Variants in DLGAP2 observed in about 807,000 individuals in gnomAD.
DLGAP2 encodes disks large-associated protein 2.
Under a neutral mutation model 100.3 loss-of-function variants are expected in DLGAP2, and 26 were observed. The ratio of observed to expected loss-of-function variants is 0.26; its 90% CI spans 0.19 to 0.36. DLGAP2 has a LOEUF of 0.36. DLGAP2 is among the 10% of genes least tolerant of loss of function. DLGAP2 has a pLI of 1.00. For synonymous variants in DLGAP2, 886 were observed against 630.1 expected (o/e 1.41, Z -6.08); for missense variants, 1,858 against 1,453.2 (o/e 1.28, Z -4.53).
At chr8:1,605,541 T>C (rs891791549) in intron 6 of DLGAP2, among the ~76,000 whole-genome samples, 3 of 152,214 alleles carry the variant, frequency 2.0e-5, no homozygotes, top group African/African-American at 7.2e-5. Context: ...ACGTGCTACA[T>C]TCTTGTGGGC....
chr8:1,409,574 C>T (rs1796672046), intron 3 of DLGAP2, among the ~76,000 whole-genome samples: 1 of 151,402 alleles, frequency 6.6e-6, no homozygotes, highest in African/African-American at 2.4e-5. Flanking sequence ...TGAATCTTCT[C>T]CGTCACCTAG....
At chr8:789,094 ACAGT>A (rs1821955328) in intron 1 of DLGAP2, among the ~76,000 whole-genome samples, 1 of 152,366 alleles carries the variant, frequency 6.6e-6, no homozygotes, top group Non-Finnish European at 1.5e-5. Context: ...GACACAAAAC[ACAGT>A]CAGAGGTGTG....
intron 13 of DLGAP2, among the ~76,000 whole-genome samples, chr8:1,696,892 T>TC (rs1449217097): frequency 6.6e-6 from 1 of 152,206 alleles, no homozygotes; most frequent in Non-Finnish European, 1.5e-5. Context: ...AACTCTCCCA[T>TC]CTGCCCCATT....
At chr8:1,578,804 C>G (rs765008934) in intron 6 of DLGAP2, among the ~76,000 whole-genome samples, 1 of 152,194 alleles carries the variant, frequency 6.6e-6, no homozygotes, top group East Asian at 1.9e-4. Flanking sequence ...GAAATCCTGT[C>G]CCACCTGTCT....
chr8:857,350 T>A (rs1470648128), intron 1 of DLGAP2, among the ~76,000 whole-genome samples: 1 of 152,200 alleles, frequency 6.6e-6, no homozygotes, highest in East Asian at 1.9e-4. Context: ...TTCATTAAAA[T>A]GAACAGCTTC....
At chr8:1,039,452 G>T (rs1399741954) in intron 2 of DLGAP2, among the ~76,000 whole-genome samples, 1 of 138,348 alleles carries the variant, frequency 7.2e-6, no homozygotes, top group African/African-American at 2.7e-5. Flanking sequence ...GTGTGTGGTT[G>T]GCTCGGTATG....
intron 1 of DLGAP2, among the ~76,000 whole-genome samples, chr8:868,082 A>G (rs987880903): frequency 1.3e-5 from 2 of 152,192 alleles, no homozygotes; most frequent in Non-Finnish European, 2.9e-5. Flanking sequence ...CAAAATGGTT[A>G]TATACTTTAA....
chr8:1,190,106 C>G (rs1045180721), intron 2 of DLGAP2, among the ~76,000 whole-genome samples: 1 of 152,186 alleles, frequency 6.6e-6, no homozygotes, highest in African/African-American at 2.4e-5. Flanking sequence ...TGGACTCTTA[C>G]TGCTAATAAT....
intron 2 of DLGAP2, among the ~76,000 whole-genome samples, chr8:1,110,476 A>C (rs558360043): frequency 2.1e-5 from 3 of 145,466 alleles, no homozygotes; most frequent in East Asian, 4.3e-4. Context: ...TGGGTCTGTG[A>C]CATGTGCTCG....
intron 12 of DLGAP2, among the ~76,000 whole-genome samples, chr8:1,683,352 G>C (rs995829707): frequency 6.6e-6 from 1 of 151,450 alleles, no homozygotes; most frequent in Admixed American, 6.6e-5. Flanking sequence ...GGGGAACAGA[G>C]GCCCCTTTGT....
intron 2 of DLGAP2, among the ~76,000 whole-genome samples, chr8:1,202,576 G>A (rs929712617): frequency 2.0e-5 from 3 of 152,170 alleles, no homozygotes; most frequent in African/African-American, 7.2e-5. Flanking sequence ...CCAGGAGATG[G>A]GAGGTGTGGA....
At chr8:1,558,275 C>A (rs55887607) in intron 5 of DLGAP2, among the ~76,000 whole-genome samples, 335 of 152,334 alleles carry the variant, frequency 2.2e-3, no homozygotes, top group African/African-American at 7.8e-3. Flanking sequence ...TCGCAGGCGG[C>A]TTAGATGGGG....
chr8:1,697,763 C>T (rs534397032), intron 14 of DLGAP2, among the ~76,000 whole-genome samples: 12 of 152,278 alleles, frequency 7.9e-5, no homozygotes, highest in East Asian at 7.7e-4. Flanking sequence ...ATAGGCAAGG[C>T]GACATTTTAT....
chr8:1,506,262 T>C (rs1563189277), intron 4 of DLGAP2, among the ~76,000 whole-genome samples: 1 of 152,226 alleles, frequency 6.6e-6, no homozygotes, highest in African/African-American at 2.4e-5. Context: ...CAGCTCTACC[T>C]ATACTTGTCA....
intron 3 of DLGAP2, among the ~76,000 whole-genome samples, chr8:1,272,452 TA>T (rs1411273025): frequency 3.3e-5 from 5 of 151,878 alleles, no homozygotes; most frequent in Non-Finnish European, 2.9e-5. Context: ...GTATCTATAT[TA>T]AACATTTTAT....
chr8:1,100,088 G>A (rs1804525166), intron 2 of DLGAP2, among the ~76,000 whole-genome samples: 1 of 152,212 alleles, frequency 6.6e-6, no homozygotes. Flanking sequence ...GCCCTGCCTG[G>A]GACATGAATC....
chr8:1,252,717 A>G (rs1417934582), intron 2 of DLGAP2, among the ~76,000 whole-genome samples: 2 of 152,260 alleles, frequency 1.3e-5, no homozygotes, highest in African/African-American at 2.4e-5. Flanking sequence ...GGCAGTGGCC[A>G]TGGCGGCCAG....
At chr8:1,185,447 T>C (rs1399652561) in intron 2 of DLGAP2, among the ~76,000 whole-genome samples, 1 of 151,970 alleles carries the variant, frequency 6.6e-6, no homozygotes, top group Non-Finnish European at 1.5e-5. Context: ...GATAGAATGG[T>C]TTAAGATGCA....
chr8:1,641,133 C>T (rs1394725990), intron 8 of DLGAP2, among the ~76,000 whole-genome samples: 1 of 152,130 alleles, frequency 6.6e-6, no homozygotes, highest in Admixed American at 6.5e-5. Context: ...AACCAGCTCC[C>T]AGTAAGGGTT....
Sources: gnomAD v4.1 joint callset for allele counts (sites outside exome capture counted in the v4.1 genomes callset) on GRCh38, gnomAD v4.1.1 for gene constraint, MANE v1.5 for transcripts, NCBI Gene and HGNC (gene_info 2026-07-23, HGNC 2026-07-21) for gene names.